Variants in DPP10 observed in about 807,000 individuals in gnomAD.
DPP10 encodes inactive dipeptidyl peptidase 10.
In DPP10, 33 loss-of-function variants were observed where a neutral mutation model predicts 120.9. The observed-to-expected ratio is 0.27, with a 90% CI of 0.21 to 0.37. The LOEUF is 0.37. Ranked by LOEUF, DPP10 falls within the 10% of genes least tolerant of loss-of-function variation. DPP10 has a pLI of 1.00. For synonymous variants in DPP10, 337 were observed against 326.1 expected (o/e 1.03, Z -0.36); for missense variants, 816 against 942.8 (o/e 0.87, Z 1.76).
chr2:114,636,757 A>T (rs1695332635), intron 1 of DPP10, among the ~76,000 whole-genome samples: 1 of 151,884 alleles, frequency 6.6e-6, no homozygotes, highest in African/African-American at 2.4e-5. Context: ...TTGTAGGAAG[A>T]TGCAAAACTT....
chr2:114,485,883 C>T (rs765388235), intron 1 of DPP10, among the ~76,000 whole-genome samples: 2 of 152,036 alleles, frequency 1.3e-5, no homozygotes, highest in East Asian at 1.9e-4. Flanking sequence ...AGATGGGAAA[C>T]GTGCCTGAGA....
chr2:115,826,364 T>A (rs1688315381), intron 21 of DPP10, among the ~76,000 whole-genome samples: 1 of 152,356 alleles, frequency 6.6e-6, no homozygotes, highest in Non-Finnish European at 1.5e-5. Context: ...ACTTTTTTAT[T>A]GTATAGATAC....
chr2:114,464,378 C>G (rs1000461681), intron 1 of DPP10, among the ~76,000 whole-genome samples: 5 of 152,090 alleles, frequency 3.3e-5, no homozygotes, highest in African/African-American at 1.2e-4. Flanking sequence ...TACTTATTTG[C>G]TACCTGTATA....
intron 5 of DPP10, among the ~76,000 whole-genome samples, chr2:115,568,298 T>A (rs111627302): frequency 2.0e-5 from 3 of 151,590 alleles, no homozygotes; most frequent in African/African-American, 7.3e-5. Context: ...CCCTGGCCAA[T>A]GTGGTGAAAC....
intron 1 of DPP10, among the ~76,000 whole-genome samples, chr2:115,037,487 A>G (rs1704307061): frequency 6.6e-6 from 1 of 152,198 alleles, no homozygotes; most frequent in Admixed American, 6.5e-5. Flanking sequence ...GGCCTCCGGC[A>G]GGCAAAAGAA....
intron 5 of DPP10, among the ~76,000 whole-genome samples, chr2:115,577,986 G>T (rs892399662): frequency 5.9e-5 from 9 of 152,086 alleles, no homozygotes; most frequent in Non-Finnish European, 1.3e-4. Flanking sequence ...ATTAATTCCA[G>T]TTCAGTGGTT....
intron 5 of DPP10, among the ~76,000 whole-genome samples, chr2:115,572,020 T>A (rs2149092958): frequency 6.6e-6 from 1 of 152,288 alleles, no homozygotes; most frequent in Non-Finnish European, 1.5e-5. Context: ...TCTGAACAAA[T>A]CAAAGCTGTC....
At chr2:115,458,821 C>G (rs1257631645) in intron 3 of DPP10, among the ~76,000 whole-genome samples, 2 of 152,084 alleles carry the variant, frequency 1.3e-5, no homozygotes, top group Non-Finnish European at 2.9e-5. Context: ...ATATGTGATA[C>G]TTATGCACAT....
At chr2:114,773,050 A>G (rs1195637762) in intron 1 of DPP10, among the ~76,000 whole-genome samples, 2 of 152,248 alleles carry the variant, frequency 1.3e-5, no homozygotes, top group African/African-American at 4.8e-5. Context: ...AATGAAAATA[A>G]CAAAACCTAC....
At chr2:114,923,580 G>A (rs948141770) in intron 1 of DPP10, among the ~76,000 whole-genome samples, 12 of 137,180 alleles carry the variant, frequency 8.7e-5, no homozygotes, top group Non-Finnish European at 1.5e-4. Flanking sequence ...CTGGGTTCAC[G>A]CCATTCTCCT....
chr2:115,385,218 C>T (rs1391582534), intron 3 of DPP10, among the ~76,000 whole-genome samples: 1 of 152,144 alleles, frequency 6.6e-6, no homozygotes, highest in African/African-American at 2.4e-5. Flanking sequence ...CCGGAGGGGT[C>T]CTGCCCCATA....
At position 114,885,338 on chromosome 2, in the gene DPP10, G is replaced by A. The variant is rs1003841244; in HGVS notation, c.61-423901G>A. Among the ~76,000 whole-genome samples the A allele has an allele frequency of 3.3e-5, 5 of 152,184 alleles. No individual in the cohort carries two copies. In the South Asian group the frequency reaches 6.2e-4, roughly 19 times the overall value. On this transcript the variant is annotated intron_variant, in intron 1 of 25. Transcript: ENST00000410059. Reference sequence around the variant, plus strand: ...GCCCACAACCCACGAGGACAGCGCCGAGGGGATAATGCTAAACCATTTATA... The same window carrying A: ...GCCCACAACCCACGAGGACAGCGCCAAGGGGATAATGCTAAACCATTTATA...
intron 1 of DPP10, among the ~76,000 whole-genome samples, chr2:114,678,632 A>AT (rs1224358743): frequency 1.3e-5 from 2 of 151,198 alleles, no homozygotes; most frequent in East Asian, 2.0e-4. Context: ...GGCAACCATT[A>AT]TTTTTTTTTA....
intron 1 of DPP10, among the ~76,000 whole-genome samples, chr2:114,632,702 CAG>C (rs1419192020): frequency 3.3e-5 from 5 of 151,782 alleles, no homozygotes; most frequent in Non-Finnish European, 5.9e-5. Flanking sequence ...TTAGTAGAGA[CAG>C]AGTTTCACCG....
chr2:115,430,020 C>T (rs1395054820), intron 3 of DPP10, among the ~76,000 whole-genome samples: 3 of 152,134 alleles, frequency 2.0e-5, no homozygotes, highest in Non-Finnish European at 4.4e-5. Context: ...GGAAAAAGAG[C>T]AGGGACACAG....
chr2:114,797,113 C>A (rs1683786540), intron 1 of DPP10, among the ~76,000 whole-genome samples: 1 of 152,158 alleles, frequency 6.6e-6, no homozygotes, highest in African/African-American at 2.4e-5. Context: ...AAACTGGCAA[C>A]AGAACCCAGA....
chr2:114,680,580 C>T lies in DPP10; in HGVS notation c.60+237742C>T, dbSNP rs111509584. ...TACAATGTTTTCAATTGAATAAAAA[C>T]GTGTTAAAAGGTTAGTACAACCTGA... is the stretch of plus-strand genomic sequence containing the variant. On this transcript the variant is annotated intron_variant, in intron 1 of 25. Coordinates refer to ENST00000410059, the MANE Select transcript of DPP10 (RefSeq NM_020868.6). Among the ~76,000 whole-genome samples the T allele has an allele frequency of 1.1e-3, 169 of 152,010 alleles. 1 individual carries two copies. The highest frequency in any genetic ancestry group is 3.7e-3 in the African/African-American group (153 of 41,508).
intron 1 of DPP10, among the ~76,000 whole-genome samples, chr2:114,606,757 G>A (rs1373774287): frequency 1.3e-5 from 2 of 152,132 alleles, no homozygotes; most frequent in Non-Finnish European, 2.9e-5. Context: ...TATAAATTTT[G>A]TCGCATTTCA....
intron 1 of DPP10, among the ~76,000 whole-genome samples, chr2:114,906,355 G>C (rs1027185241): frequency 6.0e-5 from 9 of 150,542 alleles, no homozygotes; most frequent in Non-Finnish European, 1.3e-4. Context: ...CTTCACTCCA[G>C]CCTGGGCGAC....
Sources: allele counts gnomAD v4.1 joint callset (sites outside exome capture counted in the v4.1 genomes callset), GRCh38; gene constraint gnomAD v4.1.1; transcripts MANE v1.5; gene names NCBI Gene and HGNC (gene_info 2026-07-23, HGNC 2026-07-21).